DYNLL2: variants seen among roughly 807,000 people sequenced by gnomAD.
DYNLL2 encodes the protein dynein light chain LC8-type 2.
Under a neutral mutation model 9.7 loss-of-function variants are expected in DYNLL2, and 1 was observed. That is an observed-to-expected ratio of 0.10 (90% CI 0.04 to 0.49). DYNLL2 has a LOEUF of 0.49. Ranked by LOEUF, DYNLL2 falls within the 20% of genes least tolerant of loss-of-function variation. The pLI is 0.95. For missense variants in DYNLL2, 37 were observed against 115.2 expected (o/e 0.32, Z 3.11); for synonymous variants, 35 against 40.5 (o/e 0.86, Z 0.52).
Position 58,094,701 on chromosome 17 carries a change from T to C in DYNLL2, c.*5422T>C, listed in dbSNP as rs2075792098. ...AATTTGTGCAGCCATAACCACTATC[T>C]AATTCTAGAACATTTTTATCACCCC... On this transcript the variant is annotated 3_prime_UTR_variant, in exon 3 of 3. Transcript: ENST00000579991. 6.6e-6 allele frequency: 1 copy of C among 152,198 alleles called. No homozygotes were observed. Among genetic ancestry groups the C allele is most frequent in the African/African-American group, 2.4e-5 (1 of 41,434 alleles). The allele number at this position is 152,198 out of a possible 1,614,324, so 9.4% of individuals were successfully genotyped here.
At position 58,094,182 on chromosome 17, in the gene DYNLL2, A is replaced by C. The variant is rs771525303; in HGVS notation, c.*4903A>C. 4 of 152,202 alleles carry C rather than the reference A, an allele frequency of 2.6e-5. No homozygotes were observed. Among genetic ancestry groups the C allele is most frequent in the Non-Finnish European group, 4.4e-5 (3 of 68,032 alleles). The allele number at this position is 152,202 out of a possible 1,614,324, so 9.4% of individuals were successfully genotyped here. Reference sequence around the variant, plus strand: ...CTAGAATCAGAAGACCTGGAGTCGAATCTCAGCTCCAACACCCACTGGATG... The same window carrying C: ...CTAGAATCAGAAGACCTGGAGTCGACTCTCAGCTCCAACACCCACTGGATG... On this transcript the variant is annotated 3_prime_UTR_variant, in exon 3 of 3. Transcript: ENST00000579991.
rs1006029116 is a variant in DYNLL2 at position 58,089,374 on chromosome 17, C to T, written c.*95C>T. 43 of 1,489,272 alleles carry T rather than the reference C, an allele frequency of 2.9e-5. No individual in the cohort carries two copies. In the South Asian group the frequency reaches 5.1e-4, roughly 18 times the overall value. 92.3% of individuals were successfully genotyped at this position (1,489,272 alleles called of 1,614,324 possible). A position where few individuals can be genotyped will look rare whatever the true frequency, so the allele number is the denominator to read the frequency against. ...GCACTGGAGCCAGCATCAGGATGTC[C>T]TCTCCAATGGCTGTGCTACTGCATG... On this transcript the variant is annotated 3_prime_UTR_variant, in exon 3 of 3. Transcript: ENST00000579991.
At position 58,095,107 on chromosome 17, in the gene DYNLL2, A is replaced by G. The variant is rs1225716594; in HGVS notation, c.*5828A>G. 2 of 152,102 alleles carry G rather than the reference A, an allele frequency of 1.3e-5. No individual in the cohort carries two copies. Among genetic ancestry groups the G allele is most frequent in the African/African-American group, 4.8e-5 (2 of 41,422 alleles). The allele number at this position is 152,102 out of a possible 1,614,324, so 9.4% of individuals were successfully genotyped here. A position where few individuals can be genotyped will look rare whatever the true frequency, so the allele number is the denominator to read the frequency against. ...TTTCAATTATCTTGGGGCATCTTTT[A>G]TTTTTAATGTCAGTTTTCTATTTTT... On this transcript the variant is annotated 3_prime_UTR_variant, in exon 3 of 3. Coordinates refer to ENST00000579991, the MANE Select transcript of DYNLL2 (RefSeq NM_080677.3).
intron 2 of DYNLL2, among the ~76,000 whole-genome samples, chr17:58,087,597 T>A (rs938325143): frequency 2.0e-5 from 3 of 152,206 alleles, no homozygotes; most frequent in African/African-American, 7.2e-5. Context: ...GATGTACAAA[T>A]TTTCAGGGAA....
At chr17:58,084,104 G>T (rs1163099456) in intron 1 of DYNLL2, among the ~76,000 whole-genome samples, 1 of 151,968 alleles carries the variant, frequency 6.6e-6, no homozygotes, top group Non-Finnish European at 1.5e-5. Flanking sequence ...CAGCGAGGAC[G>T]CCCAGTCACT....
chr17:58,087,322 A>G (rs369315688), intron 2 of DYNLL2, 100 bp downstream of exon 2: 2 of 1,505,810 alleles, frequency 1.3e-6, no homozygotes, highest in Non-Finnish European at 8.9e-7. Flanking sequence ...AAGCCCGTAT[A>G]TCCTGTGCAA....
At position 58,084,581 on chromosome 17, in the gene DYNLL2, C is replaced by T. The variant is rs191850822; in HGVS notation, c.-10+898C>T. On this transcript the variant is annotated intron_variant, in intron 1 of 2. Coordinates refer to ENST00000579991, the MANE Select transcript of DYNLL2 (RefSeq NM_080677.3). The stretch of plus-strand genomic sequence containing the variant: ...CCTTCCTGTGCTTTGCTTACCGGCA[C>T]CTTGGACAGGGGTGGTAGGGGTTGG... Among the ~76,000 whole-genome samples, 17 of 152,218 alleles carry T rather than the reference C, an allele frequency of 1.1e-4. No homozygotes were observed. In the East Asian group the frequency reaches 3.1e-3, roughly 28 times the overall value.
At chr17:58,086,961 G>A (rs747545182) in intron 1 of DYNLL2, 121 bp from the exon 2 acceptor site, 50 of 1,195,728 alleles carry the variant, frequency 4.2e-5, no homozygotes, top group African/African-American at 6.0e-5. Flanking sequence ...CTTCACATCC[G>A]TGTTTTCTGT....
Position 58,092,855 on chromosome 17 carries a change from A to G in DYNLL2, c.*3576A>G, listed in dbSNP as rs1194793128. On this transcript the variant is annotated 3_prime_UTR_variant, in exon 3 of 3. Transcript: ENST00000579991. ...TAGATTTAAGGTGTGGTTCCCCGCT[A>G]AATTATTCTCTCACCTCCTTTCAGT... 2.0e-5 allele frequency: 3 copies of G among 152,086 alleles called. No homozygotes were observed. Among genetic ancestry groups the G allele is most frequent in the Non-Finnish European group, 4.4e-5 (3 of 68,046 alleles). 9.4% of individuals were successfully genotyped at this position (152,086 alleles called of 1,614,324 possible).
In DYNLL2 at chr17:58,090,098, GGAGTT is replaced by G; in HGVS notation, c.*820_*824del. 2.5e-6 allele frequency: 1 copy of G among 393,716 alleles called. No homozygotes were observed. Among genetic ancestry groups the G allele is most frequent in the Non-Finnish European group, 4.5e-6 (1 of 223,716 alleles). The allele number at this position is 393,716 out of a possible 1,614,324, so 24.4% of individuals were successfully genotyped here. ...TAGCCCTCAGTTTCCTCATTCCTCT[GGAGTT>G]CTCTTAGAGCAGCCCCTGTTGTTAG... On this transcript the variant is annotated 3_prime_UTR_variant, in exon 3 of 3. Coordinates refer to ENST00000579991, the MANE Select transcript of DYNLL2 (RefSeq NM_080677.3).
At position 58,083,571 on chromosome 17, in the gene DYNLL2, C is replaced by T. The variant is rs541402228; in HGVS notation, c.-122C>T. The T allele has an allele frequency of 3.6e-3, 559 of 153,966 alleles. 1 individual carries two copies. The highest frequency in any genetic ancestry group is 6.3e-3 in the Non-Finnish European group (432 of 69,120). The allele number at this position is 153,966 out of a possible 1,614,324, so 9.5% of individuals were successfully genotyped here. On this transcript the variant is annotated 5_prime_UTR_variant, in exon 1 of 3. Coordinates refer to ENST00000579991, the MANE Select transcript of DYNLL2 (RefSeq NM_080677.3). ...GGGCTGCGGGAGCCGGAGACCGCGG[C>T]GGCGGCGGCTGCTGCAGCTGCAGGA...
Position 58,092,655 on chromosome 17 carries a change from G to A in DYNLL2, c.*3376G>A, listed in dbSNP as rs928684320. 4.6e-5 allele frequency: 7 copies of A among 152,272 alleles called. No individual in the cohort carries two copies. Among genetic ancestry groups the A allele is most frequent in the Non-Finnish European group, 8.8e-5 (6 of 68,082 alleles). The allele number at this position is 152,272 out of a possible 1,614,324, so 9.4% of individuals were successfully genotyped here. ...CAACCAAATGGCAGATGACAAGGCA[G>A]ACCCAGGATGCAGTCTGTAGGGTTC... On this transcript the variant is annotated 3_prime_UTR_variant, in exon 3 of 3. Transcript: ENST00000579991.
intron 1 of DYNLL2, among the ~76,000 whole-genome samples, chr17:58,086,811 T>C (rs1472754416): frequency 6.6e-6 from 1 of 152,248 alleles, no homozygotes; most frequent in African/African-American, 2.4e-5. Flanking sequence ...CTCTTCAGAA[T>C]ATCGGAAGTA....
chr17:58,086,097 C>G (rs1388305185), intron 1 of DYNLL2, among the ~76,000 whole-genome samples: 1 of 152,082 alleles, frequency 6.6e-6, no homozygotes, highest in Non-Finnish European at 1.5e-5. Flanking sequence ...CCTGTGTGAC[C>G]GACCAGCCAA....
At chr17:58,088,775 C>A (rs961717032) in intron 2 of DYNLL2, among the ~76,000 whole-genome samples, 1 of 151,992 alleles carries the variant, frequency 6.6e-6, no homozygotes, top group Non-Finnish European at 1.5e-5. Context: ...ATGTGTTTGA[C>A]AAATGGTCCT....
chr17:58,088,033 C>T (rs2075766489), intron 2 of DYNLL2, among the ~76,000 whole-genome samples: 1 of 152,178 alleles, frequency 6.6e-6, no homozygotes, highest in South Asian at 2.1e-4. Flanking sequence ...TTTTACAGAA[C>T]TGTGTTTTCC....
Position 58,089,865 on chromosome 17 carries a change from G to A in DYNLL2, c.*586G>A. 1 of 398,858 alleles carries A rather than the reference G, an allele frequency of 2.5e-6. No homozygotes were observed. The highest frequency in any genetic ancestry group is 4.4e-6 in the Non-Finnish European group (1 of 226,330). 24.7% of individuals were successfully genotyped at this position (398,858 alleles called of 1,614,324 possible). ...GGGTGGGGTGGGGATGCCTTCTTTA[G>A]GGGCCCTGAGATGTGTTTGTCTGTG... On this transcript the variant is annotated 3_prime_UTR_variant, in exon 3 of 3. Coordinates refer to ENST00000579991, the MANE Select transcript of DYNLL2 (RefSeq NM_080677.3).
rs1478306367 is a variant in DYNLL2 at position 58,091,061 on chromosome 17, C to G, written c.*1782C>G. On this transcript the variant is annotated 3_prime_UTR_variant, in exon 3 of 3. Coordinates refer to ENST00000579991, the MANE Select transcript of DYNLL2 (RefSeq NM_080677.3). ...TTAGGTTTTATTTTTTTATGAATGTCCAAATCTGTGTTTCCCCCTGCCCTC... is the reference window on the plus strand; with the variant it reads ...TTAGGTTTTATTTTTTTATGAATGTGCAAATCTGTGTTTCCCCCTGCCCTC... 3 of 151,998 alleles carry G rather than the reference C, an allele frequency of 2.0e-5. No individual in the cohort carries two copies. Among genetic ancestry groups the G allele is most frequent in the Non-Finnish European group, 4.4e-5 (3 of 68,026 alleles). 9.4% of individuals were successfully genotyped at this position (151,998 alleles called of 1,614,324 possible).
chr17:58,090,228 G>T lies in DYNLL2; in HGVS notation c.*949G>T. On this transcript the variant is annotated 3_prime_UTR_variant, in exon 3 of 3. Coordinates refer to ENST00000579991, the MANE Select transcript of DYNLL2 (RefSeq NM_080677.3). ...CCTTGACTCTTCTGTGTATATGTGT[G>T]AATATGTGTGTATATGTGTGTGTAT... 3.8e-6 allele frequency: 1 copy of T among 263,522 alleles called. No individual in the cohort carries two copies. Among genetic ancestry groups the T allele is most frequent in the Non-Finnish European group, 7.1e-6 (1 of 141,070 alleles). The allele number at this position is 263,522 out of a possible 1,614,324, so 16.3% of individuals were successfully genotyped here. A position where few individuals can be genotyped will look rare whatever the true frequency, so the allele number is the denominator to read the frequency against.
Sources: gnomAD v4.1 joint callset for allele counts (sites outside exome capture counted in the v4.1 genomes callset) on GRCh38, gnomAD v4.1.1 for gene constraint, MANE v1.5 for transcripts, NCBI Gene and HGNC (gene_info 2026-07-23, HGNC 2026-07-21) for gene names.